IFNAR1: variants seen among roughly 807,000 people sequenced by gnomAD.
IFNAR1 encodes interferon alpha and beta receptor subunit 1.
In IFNAR1, 47 loss-of-function variants were observed where a neutral mutation model predicts 62.1. The observed-to-expected ratio is 0.76, with a 90% CI of 0.60 to 0.97. The LOEUF is 0.97. Among genes scored for constraint, IFNAR1 ranks in the 50% least tolerant of loss-of-function variants. The probability of loss-of-function intolerance (pLI) is 0.00; values close to 1 mark genes in which losing one functional copy is unlikely to be tolerated. For synonymous variants in IFNAR1, 219 were observed against 226.9 expected, an observed-to-expected ratio of 0.97 and a Z score of 0.31; for missense variants, 638 against 654.5, an observed-to-expected ratio of 0.97 and a Z score of 0.27.
upstream of IFNAR1, chr21:33,324,956 G>C (rs545774977): frequency 2.5e-3 from 2,515 of 1,018,602 alleles, 14 homozygotes; most frequent in Middle Eastern, 0.013. Context: ...GGGGCAGCGC[G>C]TGTGCAGAGG....
At chr21:33,349,580 GTTATAA>G (rs756176280) in intron 8 of IFNAR1, 37 bp downstream of exon 8, 11 of 1,416,168 alleles carry the variant, frequency 7.8e-6, no homozygotes, top group Middle Eastern at 1.8e-4. Flanking sequence ...GTAACTTAGA[GTTATAA>G]TTATGATTTG....
chr21:33,332,772 A>T (rs1425571913), intron 1 of IFNAR1, among the ~76,000 whole-genome samples: 1 of 152,238 alleles, frequency 6.6e-6, no homozygotes, highest in Non-Finnish European at 1.5e-5. Context: ...GGTAAAGCAG[A>T]AGAAAGAATC....
Position 33,349,532 on chromosome 21 carries a change from T to A in IFNAR1, c.1132T>A (p.Ser378Thr), listed in dbSNP as rs767845835. ...TGAAATTATTTTTTGGGAAAACACTTCAAATGCTGAGGTAAAAAGACTGTA... is the reference window on the plus strand; with the variant it reads ...TGAAATTATTTTTTGGGAAAACACTACAAATGCTGAGGTAAAAAGACTGTA... Reference protein sequence around the residue: ...IYEIIFWENTSNAERKIIEKK... With the variant: ...IYEIIFWENTTNAERKIIEKK... The change falls in exon 8 of 11, where the codon TCA becomes ACA. Residue 378 changes from serine to threonine, a missense_variant. Physicochemically the swap from Ser to Thr is moderately conservative, Grantham distance 58. Transcript: ENST00000270139. The A allele has an allele frequency of 1.2e-6, 2 of 1,602,020 alleles. No individual in the cohort carries two copies. The highest frequency in any genetic ancestry group is 1.7e-6 in the Non-Finnish European group (2 of 1,172,258).
intron 1 of IFNAR1, among the ~76,000 whole-genome samples, chr21:33,325,485 C>A (rs1391895394): frequency 6.6e-6 from 1 of 152,222 alleles, no homozygotes; most frequent in Non-Finnish European, 1.5e-5. Flanking sequence ...TCCCGAAATG[C>A]ATTTCCTCAA....
intron 2 of IFNAR1, among the ~76,000 whole-genome samples, chr21:33,337,713 G>A (rs2083253305): frequency 6.6e-6 from 1 of 151,618 alleles, no homozygotes. Flanking sequence ...CACACATTGT[G>A]TATACATACA....
chr21:33,326,210 T>C (rs1283574024), intron 1 of IFNAR1, among the ~76,000 whole-genome samples: 1 of 120,576 alleles, frequency 8.3e-6, no homozygotes, highest in Non-Finnish European at 1.7e-5. Context: ...TTTTTATTTA[T>C]ACTTTTTTTT....
rs371122110 is a variant in IFNAR1 at position 33,331,240 on chromosome 21, T to C, written c.77-4284T>C. 2.6e-5 allele frequency among the ~76,000 whole-genome samples: 4 copies of C among 152,170 alleles called. No homozygotes were observed. In the East Asian group the frequency reaches 5.8e-4, roughly 22 times the overall value. ...TCCTATTTCCTGGGAACACACTACC[T>C]TGGCCACCCAGAGCAGTCATGCACC... On this transcript the variant is annotated intron_variant, in intron 1 of 10. Coordinates refer to ENST00000270139, the MANE Select transcript of IFNAR1 (RefSeq NM_000629.3).
At chr21:33,343,736 A>G in intron 5 of IFNAR1, 60 bp downstream of exon 5, 1 of 1,178,566 alleles carries the variant, frequency 8.5e-7, no homozygotes, top group South Asian at 1.5e-5. Flanking sequence ...CAATTTTGGC[A>G]TCTTCCCCAT....
At chr21:33,339,315 C>G (rs2083273012) in intron 2 of IFNAR1, among the ~76,000 whole-genome samples, 1 of 152,038 alleles carries the variant, frequency 6.6e-6, no homozygotes, top group African/African-American at 2.4e-5. Context: ...AATCTCAGGC[C>G]TCAGATATGT....
At chr21:33,347,218 G>A (rs959993739) in intron 6 of IFNAR1, among the ~76,000 whole-genome samples, 5 of 150,616 alleles carry the variant, frequency 3.3e-5, no homozygotes, top group African/African-American at 9.8e-5. Context: ...CAACCTCCGC[G>A]TCCTGGGTTC....
chr21:33,324,705 T>G, upstream of IFNAR1: 1 of 278,804 alleles, frequency 3.6e-6, no homozygotes, highest in African/African-American at 2.2e-5. Flanking sequence ...AATGCGATGG[T>G]GAAGTGCTCC....
chr21:33,335,480 G>A, intron 1 of IFNAR1, 44 bp from the exon 2 acceptor site: 2 of 1,167,886 alleles, frequency 1.7e-6, no homozygotes, highest in Non-Finnish European at 2.5e-6. Flanking sequence ...TAGAATATCT[G>A]TACAGTTTGT....
rs1439404498 is a variant in IFNAR1 at position 33,358,746 on chromosome 21, C to G, written c.*3197C>G. The G allele has an allele frequency of 6.6e-6, 1 of 152,032 alleles. No homozygotes were observed. The highest frequency in any genetic ancestry group is 2.4e-5 in the African/African-American group (1 of 41,396). 9.4% of individuals were successfully genotyped at this position (152,032 alleles called of 1,614,324 possible). A position where few individuals can be genotyped will look rare whatever the true frequency, so the allele number is the denominator to read the frequency against. ...AGGCACAGTGGCTCATGCCTATAAT[C>G]TCAGCACTTTTGGGAGGCCAAGACA... On this transcript the variant is annotated 3_prime_UTR_variant, in exon 11 of 11. Coordinates refer to ENST00000270139, the MANE Select transcript of IFNAR1 (RefSeq NM_000629.3).
upstream of IFNAR1, chr21:33,324,918 G>T: frequency 1.5e-6 from 1 of 648,594 alleles, no homozygotes. Flanking sequence ...GAGGCGGCGC[G>T]TGCGTAGAGG....
intron 1 of IFNAR1, among the ~76,000 whole-genome samples, chr21:33,334,110 C>A (rs567006591): frequency 6.6e-6 from 1 of 152,100 alleles, no homozygotes; most frequent in Admixed American, 6.5e-5. Flanking sequence ...GATAAAGGGA[C>A]CAATTCAGCA....
intron 1 of IFNAR1, among the ~76,000 whole-genome samples, chr21:33,325,956 A>C (rs548391685): frequency 6.6e-6 from 1 of 152,160 alleles, no homozygotes; most frequent in South Asian, 2.1e-4. Flanking sequence ...TTGGAATGCC[A>C]TTTGTTGAGA....
chr21:33,333,977 A>G (rs1334194194), intron 1 of IFNAR1, among the ~76,000 whole-genome samples: 2 of 152,184 alleles, frequency 1.3e-5, no homozygotes, highest in Non-Finnish European at 2.9e-5. Flanking sequence ...AATTGAAGGG[A>G]TGGAAAAAGT....
At chr21:33,346,723 G>A (rs2123255523) in intron 6 of IFNAR1, among the ~76,000 whole-genome samples, 1 of 152,326 alleles carries the variant, frequency 6.6e-6, no homozygotes, top group South Asian at 2.1e-4. Flanking sequence ...GGACTAAAGA[G>A]TGGTATACAA....
At chr21:33,346,870 G>A (rs1295810535) in intron 6 of IFNAR1, among the ~76,000 whole-genome samples, 1 of 152,176 alleles carries the variant, frequency 6.6e-6, no homozygotes, top group Non-Finnish European at 1.5e-5. Context: ...ACAACTATTA[G>A]ATGTTAGTTT....
Sources: allele counts gnomAD v4.1 joint callset (sites outside exome capture counted in the v4.1 genomes callset), GRCh38; gene constraint gnomAD v4.1.1; transcripts MANE v1.5; gene names NCBI Gene and HGNC (gene_info 2026-07-23, HGNC 2026-07-21).